The following PHLDB2 variants were observed in gnomAD, a reference collection of about 807,000 sequenced individuals.
The protein encoded by PHLDB2 is pleckstrin homology like domain family B member 2.
In PHLDB2, 71 loss-of-function variants were observed where a neutral mutation model predicts 123.6. The ratio of observed to expected loss-of-function variants is 0.57; its 90% CI spans 0.47 to 0.70. PHLDB2 has a LOEUF of 0.70. Among genes scored for constraint, PHLDB2 ranks in the 30% least tolerant of loss-of-function variants. The probability of loss-of-function intolerance (pLI) is 0.00; values close to 1 mark genes in which losing one functional copy is unlikely to be tolerated. For synonymous variants in PHLDB2, 547 were observed against 541.6 expected (o/e 1.01, Z -0.14); for missense variants, 1,446 against 1,519.5 (o/e 0.95, Z 0.80).
chr3:111,866,227 A>G lies in PHLDB2; in HGVS notation c.-15+6651A>G, dbSNP rs148052190. On this transcript the variant is annotated intron_variant, in intron 1 of 17. Transcript: ENST00000431670. Reference sequence around the variant, plus strand: ...GTGATGGGGTTTCGCCATATTGGCCAGGGTGGTCTCAGACTCCTGACCTTT... The same window carrying G: ...GTGATGGGGTTTCGCCATATTGGCCGGGGTGGTCTCAGACTCCTGACCTTT... 8.5e-3 allele frequency among the ~76,000 whole-genome samples: 1,299 copies of G among 152,096 alleles called. 9 individuals carry two copies. The highest frequency in any genetic ancestry group is 0.011 in the Non-Finnish European group (746 of 67,968).
At chr3:111,909,747 C>T (rs1460407744) in intron 2 of PHLDB2, among the ~76,000 whole-genome samples, 1 of 150,764 alleles carries the variant, frequency 6.6e-6, no homozygotes. Context: ...AGAGAGAAGT[C>T]AAGTCACACC....
intron 1 of PHLDB2, among the ~76,000 whole-genome samples, chr3:111,826,834 T>C (rs1576760741): frequency 6.6e-6 from 1 of 152,136 alleles, no homozygotes; most frequent in South Asian, 2.1e-4. Flanking sequence ...TCTCTTCTTC[T>C]GGGAGCAGCC....
chr3:111,758,099 G>C (rs958942124), intron 1 of PHLDB2, among the ~76,000 whole-genome samples: 15 of 152,126 alleles, frequency 9.9e-5, no homozygotes, highest in African/African-American at 3.6e-4. Context: ...CAGATCTCCA[G>C]CTGCGTGCTG....
intron 1 of PHLDB2, among the ~76,000 whole-genome samples, chr3:111,879,238 T>C (rs960511952): frequency 3.9e-5 from 6 of 152,190 alleles, no homozygotes; most frequent in Admixed American, 3.3e-4. Context: ...GAACTTGTTA[T>C]TGTTCTATTC....
chr3:111,884,906 T>C lies in PHLDB2; in HGVS notation c.829T>C (p.Ser277Pro). Reference sequence around the variant, plus strand: ...ACCTCTCAGCTTGCCTCCAAGAAACTCTCTGGGCAATTCCAAACGAACAAA... The same window carrying C: ...ACCTCTCAGCTTGCCTCCAAGAAACCCTCTGGGCAATTCCAAACGAACAAA... The part of the protein sequence containing the change: ...LTPLSLPPRN[S>P]LGNSKRTKLG... The change falls in exon 2 of 18, where the codon TCT (serine) becomes CCT (proline). Residue 277 changes from serine (S) to proline (P), a missense_variant. Physicochemically the swap from Ser to Pro is moderately conservative, Grantham distance 74. Coordinates refer to ENST00000431670, the MANE Select transcript of PHLDB2 (RefSeq NM_001134438.2). The C allele has an allele frequency of 6.2e-7, 1 of 1,613,868 alleles. No homozygotes were observed.
chr3:111,854,213 T>A (rs1162081780), intron 2 of PHLDB2, among the ~76,000 whole-genome samples: 2 of 152,148 alleles, frequency 1.3e-5, no homozygotes, highest in Non-Finnish European at 2.9e-5. Context: ...GAGAACAGCA[T>A]GGGGGAAACT....
chr3:111,810,241 AGG>A (rs2108326657), intron 1 of PHLDB2, among the ~76,000 whole-genome samples: 1 of 152,296 alleles, frequency 6.6e-6, no homozygotes, highest in South Asian at 2.1e-4. Context: ...TGTTCCAGGA[AGG>A]GGCCTATCTG....
At chr3:111,774,121 G>A (rs576538440) in intron 1 of PHLDB2, among the ~76,000 whole-genome samples, 18 of 152,348 alleles carry the variant, frequency 1.2e-4, no homozygotes, top group Non-Finnish European at 2.4e-4. Flanking sequence ...ACAGTGGACT[G>A]TAGGGAGGAG....
chr3:111,755,358 C>A (rs1290716749), intron 1 of PHLDB2, among the ~76,000 whole-genome samples: 2 of 145,960 alleles, frequency 1.4e-5, no homozygotes, highest in Non-Finnish European at 3.0e-5. Flanking sequence ...AGAGATTCAA[C>A]TTCTTCCTGG....
chr3:111,952,490 TAAGTGCATAA>T, intron 10 of PHLDB2, 72 bp from the exon 11 acceptor site: 1 of 1,466,028 alleles, frequency 6.8e-7, no homozygotes, highest in Non-Finnish European at 9.2e-7. Flanking sequence ...GTTTTTTTTG[TAAGTGCATAA>T]TTCTTCATTT....
At chr3:111,797,665 GT>G (rs768650992) in intron 1 of PHLDB2, among the ~76,000 whole-genome samples, 3 of 152,300 alleles carry the variant, frequency 2.0e-5, no homozygotes, top group Non-Finnish European at 2.9e-5. Context: ...TGCTAAATAT[GT>G]TTACAAGCAA....
intron 10 of PHLDB2, 79 bp downstream of exon 10, chr3:111,949,154 T>C: frequency 6.6e-7 from 1 of 1,523,496 alleles, no homozygotes; most frequent in Non-Finnish European, 9.0e-7. Flanking sequence ...GAAAATGAGG[T>C]CCACGAGAAC....
rs116483619 is a variant in PHLDB2, at chr3:111,847,062, G to A, written c.67+1127G>A. ...GTGACTGGAATGCTCCCTCCTTGCAGGAAGAGGAGGAAGGAAATGACAAGC... is the reference window on the plus strand; with the variant it reads ...GTGACTGGAATGCTCCCTCCTTGCAAGAAGAGGAGGAAGGAAATGACAAGC... On this transcript the variant is annotated intron_variant, in intron 2 of 17. Transcript: ENST00000393923. 3.9e-3 allele frequency among the ~76,000 whole-genome samples: 588 copies of A among 152,230 alleles called. 4 individuals carry two copies. The highest frequency in any genetic ancestry group is 0.013 in the African/African-American group (553 of 41,532).
intron 1 of PHLDB2, among the ~76,000 whole-genome samples, chr3:111,827,707 A>AAAAAT (rs2062735058): frequency 6.6e-6 from 1 of 150,736 alleles, no homozygotes; most frequent in Non-Finnish European, 1.5e-5. Context: ...AAAAAAAAAA[A>AAAAAT]AAAGGAAAGA....
Position 111,884,535 on chromosome 3 carries a change from C to T in PHLDB2, c.458C>T (p.Ser153Leu). ...AAGCCTCCCTATTCCAAATATAGCT[C>T]AAGGCATAAATCGCATGACAATGTC... ...SEKPPYSKYS[S>L]RHKSHDNVYS... is the part of the protein sequence containing the mutation. Residue 153 changes from serine to leucine, a missense_variant, in exon 2 of 18, where the codon TCA becomes TTA. By Grantham distance (145) the Ser-to-Leu change is moderately radical (BLOSUM62 -2). Around this residue, in one of 3 missense-constraint regions of PHLDB2, gnomAD observed 832 missense variants for 831.9 expected, o/e 1.00. Coordinates refer to ENST00000431670, the MANE Select transcript of PHLDB2 (RefSeq NM_001134438.2). 6.2e-7 allele frequency: 1 copy of T among 1,614,148 alleles called. No homozygotes were observed. The highest frequency in any genetic ancestry group is 8.5e-7 in the Non-Finnish European group (1 of 1,180,040).
chr3:111,885,825 C>A, intron 2 of PHLDB2: 1 of 545,202 alleles, frequency 1.8e-6, no homozygotes, highest in Non-Finnish European at 3.2e-6. Context: ...TCATGACTCA[C>A]CAAGAATTAG....
At chr3:111,788,802 G>T (rs574949070) in intron 1 of PHLDB2, among the ~76,000 whole-genome samples, 3 of 152,016 alleles carry the variant, frequency 2.0e-5, no homozygotes, top group African/African-American at 7.3e-5. Flanking sequence ...TTTTATGTGT[G>T]GCCCAAGACA....
chr3:111,799,157 C>T (rs2061285974), intron 1 of PHLDB2, among the ~76,000 whole-genome samples: 1 of 152,202 alleles, frequency 6.6e-6, no homozygotes, highest in South Asian at 2.1e-4. Flanking sequence ...TCCATTACTT[C>T]CCACTGGGTC....
At chr3:111,857,450 CAA>C (rs72339280), upstream of PHLDB2, among the ~76,000 whole-genome samples, 1 of 113,490 alleles carries the variant, frequency 8.8e-6, no homozygotes, top group African/African-American at 3.5e-5. Context: ...GGCCCTGTCT[CAA>C]AAAAAAAAAA....
Sources: allele counts gnomAD v4.1 joint callset (sites outside exome capture counted in the v4.1 genomes callset), GRCh38; gene constraint gnomAD v4.1.1; regional missense constraint gnomAD v4.1.1; transcripts MANE v1.5; gene names NCBI Gene and HGNC (gene_info 2026-07-23, HGNC 2026-07-21).